Variants in PHOX2A observed in about 807,000 individuals in gnomAD.
PHOX2A encodes paired mesoderm homeobox protein 2A.
PHOX2A carries 10 observed loss-of-function variants against 16.4 expected under a neutral mutation model. The observed-to-expected ratio is 0.61, with a 90% CI of 0.38 to 1.04. The LOEUF (loss-of-function observed/expected upper bound fraction) is 1.04. Among genes scored for constraint, PHOX2A ranks in the 50% least tolerant of loss-of-function variants. The probability of loss-of-function intolerance (pLI) is 0.01; values close to 1 mark genes in which losing one functional copy is unlikely to be tolerated. For synonymous variants in PHOX2A, 219 were observed against 203.8 expected (o/e 1.07, Z -0.64); for missense variants, 361 against 419.4 (o/e 0.86, Z 1.22).
At position 72,240,339 on chromosome 11, in the gene PHOX2A, C is replaced by T. The variant is rs112801309; in HGVS notation, c.406-141G>A. 183 of 1,142,638 alleles carry T rather than the reference C, an allele frequency of 1.6e-4. No individual in the cohort carries two copies. In the African/African-American group the frequency reaches 2.1e-3, roughly 13 times the overall value. The allele number at this position is 1,142,638 out of a possible 1,614,324, so 70.8% of individuals were successfully genotyped here. ...ACTAGTTGGAGGGGCCTTCGGCCCT[C>T]CGCACGCAGCCCGCTGCACTCCGCG... On this transcript the variant is annotated intron_variant, in intron 2 of 2. Transcript: ENST00000298231.
In PHOX2A at chr11:72,244,173, A is replaced by G; in HGVS notation, c.-169T>C. ...GCCGCACTCAGCCCGGGTGCAACGC[A>G]AGTGCAGCCAGCCCGGCCCGCGCGC... is the stretch of plus-strand genomic sequence containing the variant. On this transcript the variant is annotated 5_prime_UTR_variant, in exon 1 of 3. Coordinates refer to ENST00000298231, the MANE Select transcript of PHOX2A (RefSeq NM_005169.4). The G allele has an allele frequency of 5.1e-6, 2 of 390,542 alleles. No individual in the cohort carries two copies. Among genetic ancestry groups the G allele is most frequent in the Non-Finnish European group, 9.0e-6 (2 of 221,888 alleles). 24.2% of individuals were successfully genotyped at this position (390,542 alleles called of 1,614,324 possible). A position where few individuals can be genotyped will look rare whatever the true frequency, so the allele number is the denominator to read the frequency against.
chr11:72,243,049 T>C (rs1949134506), intron 1 of PHOX2A, among the ~76,000 whole-genome samples: 1 of 152,154 alleles, frequency 6.6e-6, no homozygotes, highest in South Asian at 2.1e-4. Context: ...AGGCTGGGAC[T>C]CTAATCAGAG....
Position 72,239,887 on chromosome 11 carries a change from C to A in PHOX2A, c.717G>T (p.Gly239=). 7.4e-7 allele frequency: 1 copy of A among 1,360,276 alleles called. No homozygotes were observed. Among genetic ancestry groups the A allele is most frequent in the Non-Finnish European group, 9.6e-7 (1 of 1,044,544 alleles). The allele number at this position is 1,360,276 out of a possible 1,614,324, so 84.3% of individuals were successfully genotyped here. The part of the protein sequence containing the change: ...GALWAGVAGG[G]GGGPGAGAAE... ...CCGCTCCCGCGCCAGGCCCGCCGCC[C>A]CCACCGCCCGCCACACCGGCCCACA... The change falls in exon 3 of 3, where the codon GGG becomes GGT. Residue 239 remains glycine (G), a synonymous_variant. Transcript: ENST00000298231.
chr11:72,241,075 C>T (rs981613172), intron 2 of PHOX2A, 27 bp downstream of exon 2: 1 of 1,611,180 alleles, frequency 6.2e-7, no homozygotes, highest in East Asian at 2.2e-5. Flanking sequence ...CATGCGCACT[C>T]TCGTACACAC....
At position 72,243,795 on chromosome 11, in the gene PHOX2A, G is replaced by A; in HGVS notation, c.210C>T (p.Tyr70=). 8.0e-7 allele frequency: 1 copy of A among 1,248,500 alleles called. No homozygotes were observed. Among genetic ancestry groups the A allele is most frequent in the Non-Finnish European group, 1.0e-6 (1 of 995,516 alleles). 77.3% of individuals were successfully genotyped at this position (1,248,500 alleles called of 1,614,324 possible). A position where few individuals can be genotyped will look rare whatever the true frequency, so the allele number is the denominator to read the frequency against. Residue 70 remains tyrosine (Y), a synonymous_variant, in exon 1 of 3, where the codon TAC becomes TAT. Coordinates refer to ENST00000298231, the MANE Select transcript of PHOX2A (RefSeq NM_005169.4). ...GALRDHQPAP[Y]SAVPYKFFPE... ...GGCCGGGGCTGCGCTCACCTGCCGAGTAGGGCGCGGGCTGGTGGTCGCGTA... is the reference window on the plus strand; with the variant it reads ...GGCCGGGGCTGCGCTCACCTGCCGAATAGGGCGCGGGCTGGTGGTCGCGTA...
rs1949095126 is a variant in PHOX2A, at chr11:72,239,606, G to A, written c.*143C>T. ...CCCTGACTTGGTCTCCAAAGTTGGG[G>A]AGGACACACCGAGGGGTGAGACAGT... On this transcript the variant is annotated 3_prime_UTR_variant, in exon 3 of 3. Transcript: ENST00000298231. The A allele has an allele frequency of 3.5e-6, 2 of 566,018 alleles. No homozygotes were observed. Among genetic ancestry groups the A allele is most frequent in the East Asian group, 3.5e-5 (1 of 28,660 alleles). 35.1% of individuals were successfully genotyped at this position (566,018 alleles called of 1,614,324 possible).
intron 1 of PHOX2A, among the ~76,000 whole-genome samples, chr11:72,242,166 C>T (rs1360167098): frequency 6.6e-6 from 1 of 151,994 alleles, no homozygotes; most frequent in Non-Finnish European, 1.5e-5. Context: ...TCTTCCTATA[C>T]CCATCCCAGT....
Position 72,239,884 on chromosome 11 carries a change from GC to G in PHOX2A, c.719del (p.Gly240AlafsTer40). 2 of 1,353,248 alleles carry G rather than the reference GC, an allele frequency of 1.5e-6. No individual in the cohort carries two copies. Among genetic ancestry groups the G allele is most frequent in the South Asian group, 3.8e-5 (2 of 52,134 alleles). The allele number at this position is 1,353,248 out of a possible 1,614,324, so 83.8% of individuals were successfully genotyped here. A position where few individuals can be genotyped will look rare whatever the true frequency, so the allele number is the denominator to read the frequency against. ...CGGCCGCTCCCGCGCCAGGCCCGCCGCCCCCACCGCCCGCCACACCGGCCCA... is the reference window on the plus strand; with the variant it reads ...CGGCCGCTCCCGCGCCAGGCCCGCCGCCCCACCGCCCGCCACACCGGCCCA... ...ALWAGVAGGGGGGPGAGAAEL... is the reference protein window; with the variant it reads ...ALWAGVAGGGXGGPGAGAAEL... On this transcript the variant is annotated frameshift_variant, in exon 3 of 3. Transcript: ENST00000298231. LOFTEE classifies it high-confidence loss of function.
chr11:72,240,341 G>C (rs1949106697), intron 2 of PHOX2A, 143 bp from the exon 3 acceptor site: 1 of 1,131,806 alleles, frequency 8.8e-7, no homozygotes, highest in African/African-American at 1.6e-5. Context: ...TCGGCCCTCC[G>C]CACGCAGCCC....
intron 1 of PHOX2A, among the ~76,000 whole-genome samples, chr11:72,241,939 C>T (rs867978894): frequency 1.4e-5 from 2 of 140,164 alleles, no homozygotes; most frequent in East Asian, 2.3e-4. Context: ...CCCTAGATGT[C>T]CCCCTCTCCT....
chr11:72,243,951 C>A lies in PHOX2A; in HGVS notation c.54G>T (p.Ala18=), dbSNP rs1319939363. 9.9e-6 allele frequency: 13 copies of A among 1,311,290 alleles called. No homozygotes were observed. The highest frequency in any genetic ancestry group is 1.3e-5 in the Non-Finnish European group (13 of 1,023,602). 81.2% of individuals were successfully genotyped at this position (1,311,290 alleles called of 1,614,324 possible). Residue 18 remains alanine (A), a synonymous_variant, in exon 1 of 3, where the codon GCG becomes GCT. Coordinates refer to ENST00000298231, the MANE Select transcript of PHOX2A (RefSeq NM_005169.4). ...AGGCGCCAAAGTCGCCGTAGGCGGA[C>A]GCCTCCATGGCCGCCACGCACGAGT... The part of the protein sequence containing the change: ...SYDSCVAAME[A]SAYGDFGACS...
chr11:72,244,012 GGGGGC>G lies in PHOX2A; in HGVS notation c.-13_-9del. The G allele has an allele frequency of 1.6e-6, 2 of 1,234,314 alleles. No homozygotes were observed. Among genetic ancestry groups the G allele is most frequent in the Non-Finnish European group, 2.1e-6 (2 of 971,710 alleles). 76.5% of individuals were successfully genotyped at this position (1,234,314 alleles called of 1,614,324 possible). ...GAGGTAGGAGTAGTCCATCGGCCCG[GGGGGC>G]GGGGGCGGGGGCCGGGCCAGGCCGG... On this transcript the variant is annotated 5_prime_UTR_variant, in exon 1 of 3. Coordinates refer to ENST00000298231, the MANE Select transcript of PHOX2A (RefSeq NM_005169.4).
At chr11:72,243,513 T>C (rs1949138032) in intron 1 of PHOX2A, among the ~76,000 whole-genome samples, 1 of 151,904 alleles carries the variant, frequency 6.6e-6, no homozygotes, top group South Asian at 2.1e-4. Context: ...GGGGAAGGCC[T>C]GGTAAGGGGC....
chr11:72,241,296 GTGTGTGCA>G lies in PHOX2A; in HGVS notation c.218-15_218-8del. On this transcript the variant is annotated splice_polypyrimidine_tract_variant and splice_region_variant and intron_variant, in intron 1 of 2. Transcript: ENST00000298231. ...GGGAAGAACTTGTAGGGCACTGCGG[GTGTGTGCA>G]GGGGGGCCGGGGGGGGGGCAAAAAG... 1.9e-6 allele frequency: 3 copies of G among 1,551,572 alleles called. No individual in the cohort carries two copies. Among genetic ancestry groups the G allele is most frequent in the South Asian group, 2.4e-5 (2 of 84,402 alleles).
At chr11:72,240,302 G>A in intron 2 of PHOX2A, 104 bp from the exon 3 acceptor site, 3 of 1,461,330 alleles carry the variant, frequency 2.1e-6, no homozygotes, top group Non-Finnish European at 2.7e-6. Context: ...AAAGAACCGG[G>A]CCCGGGTTCT....
chr11:72,243,894 G>A lies in PHOX2A; in HGVS notation c.111C>T (p.Pro37=). Residue 37 remains proline, a synonymous_variant, in exon 1 of 3, where the codon CCC becomes CCT. Coordinates refer to ENST00000298231, the MANE Select transcript of PHOX2A (RefSeq NM_005169.4). ...CSQPGGFQYS[P]LRPAFPAAGP... The stretch of plus-strand genomic sequence containing the variant: ...CTGCCGCGGGGAAAGCGGGCCGCAG[G>A]GGGCTGTATTGGAAGCCGCCGGGCT... 7.8e-7 allele frequency: 1 copy of A among 1,289,546 alleles called. No homozygotes were observed. The highest frequency in any genetic ancestry group is 9.9e-7 in the Non-Finnish European group (1 of 1,013,364). 79.9% of individuals were successfully genotyped at this position (1,289,546 alleles called of 1,614,324 possible). A position where few individuals can be genotyped will look rare whatever the true frequency, so the allele number is the denominator to read the frequency against.
In PHOX2A at chr11:72,239,483, G is replaced by C. The variant is rs1949092675; in HGVS notation, c.*266C>G. On this transcript the variant is annotated 3_prime_UTR_variant, in exon 3 of 3. Transcript: ENST00000298231. ...GGCCTCATGTGATACCGCATCCAAA[G>C]AAGGCCAAGCTAGAAGGAGCTCCGG... 1 of 355,376 alleles carries C rather than the reference G, an allele frequency of 2.8e-6. No homozygotes were observed. The highest frequency in any genetic ancestry group is 4.7e-5 in the Admixed American group (1 of 21,256). The allele number at this position is 355,376 out of a possible 1,614,324, so 22.0% of individuals were successfully genotyped here. A position where few individuals can be genotyped will look rare whatever the true frequency, so the allele number is the denominator to read the frequency against.
At chr11:72,242,297 T>C (rs1949128580) in intron 1 of PHOX2A, among the ~76,000 whole-genome samples, 1 of 152,092 alleles carries the variant, frequency 6.6e-6, no homozygotes, top group Non-Finnish European at 1.5e-5. Flanking sequence ...CAGGCCTCCA[T>C]CTCCCCTGAT....
chr11:72,240,115 G>GGCGCCCGCCGCGCCCGCC lies in PHOX2A; in HGVS notation c.471_488dup (p.Ala158_Ala163dup), dbSNP rs200556921. The GGCGCCCGCCGCGCCCGCC allele has an allele frequency of 6.5e-7, 1 of 1,532,062 alleles. No individual in the cohort carries two copies. The highest frequency in any genetic ancestry group is 8.7e-7 in the Non-Finnish European group (1 of 1,144,230). The allele number at this position is 1,532,062 out of a possible 1,614,324, so 94.9% of individuals were successfully genotyped here. A position where few individuals can be genotyped will look rare whatever the true frequency, so the allele number is the denominator to read the frequency against. ...AGGAGCAGCGCGCCTCGCCCTTTTT[G>GGCGCCCGCCGCGCCCGCC]GCGCCCGCCGCGCCCGCCGCGCCCT... is the stretch of plus-strand genomic sequence containing the variant. On this transcript the variant is annotated inframe_insertion, in exon 3 of 3. Coordinates refer to ENST00000298231, the MANE Select transcript of PHOX2A (RefSeq NM_005169.4).
Sources: allele counts gnomAD v4.1 joint callset (sites outside exome capture counted in the v4.1 genomes callset), GRCh38; gene constraint gnomAD v4.1.1; transcripts MANE v1.5; gene names NCBI Gene and HGNC (gene_info 2026-07-23, HGNC 2026-07-21).